The following MACO1 variants were observed in gnomAD, a reference collection of about 807,000 sequenced individuals.
The protein encoded by MACO1 is macoilin 1, also known as macoilin.
Under a neutral mutation model 78.7 loss-of-function variants are expected in MACO1, and 14 were observed. The ratio of observed to expected loss-of-function variants is 0.18; its 90% CI spans 0.12 to 0.28. The LOEUF (loss-of-function observed/expected upper bound fraction) is 0.28. MACO1 is among the 10% of genes least tolerant of loss of function. The probability of loss-of-function intolerance (pLI) is 1.00; values close to 1 mark genes in which losing one functional copy is unlikely to be tolerated. For missense variants in MACO1, 501 were observed against 799.0 expected, an observed-to-expected ratio of 0.63 and a Z score of 4.50; for synonymous variants, 288 against 291.6, an observed-to-expected ratio of 0.99 and a Z score of 0.12.
rs758933840 is a variant in MACO1, at chr1:25,446,920, A to G, written c.222+17A>G. The G allele has an allele frequency of 1.1e-5, 17 of 1,606,482 alleles. No homozygotes were observed. The highest frequency in any genetic ancestry group is 1.4e-5 in the Non-Finnish European group (16 of 1,177,198). On this transcript the variant is annotated intron_variant, in intron 2 of 10. Coordinates refer to ENST00000374343, the MANE Select transcript of MACO1 (RefSeq NM_018202.6). ...CAGGGACTGGTATGTCTGGTAATAC[A>G]TGTTTTCCATGTGTGGGGACCATTC...
At position 25,498,375 on chromosome 1, in the gene MACO1, CT is replaced by C. The variant is rs1557679859; in HGVS notation, c.1905del (p.Val636PhefsTer27). On this transcript the variant is annotated frameshift_variant, in exon 11 of 11. Transcript: ENST00000374343. LOFTEE classifies it high-confidence loss of function. Reference protein sequence around the residue: ...TYSAATSPLSPVSPHYSSKFV... With the variant: ...TYSAATSPLSXVSPHYSSKFV... ...AGTGCCGCCACCAGCCCCCTGAGCC[CT>C]GTTTCCCCCCACTACTCTTCCAAAT... is the stretch of plus-strand genomic sequence containing the variant. 1 of 1,614,156 alleles carries C rather than the reference CT, an allele frequency of 6.2e-7. No homozygotes were observed. The highest frequency in any genetic ancestry group is 8.5e-7 in the Non-Finnish European group (1 of 1,180,024).
rs1354771566 is a variant in MACO1 at position 25,499,553 on chromosome 1, CAAG to C, written c.*1088_*1090del. On this transcript the variant is annotated 3_prime_UTR_variant, in exon 11 of 11. Transcript: ENST00000374343. ...CTTGACTATTCCTCAGCTCTTGTGC[CAAG>C]GAGGGTTTTTTTTTTTTAAGACTCT... The C allele has an allele frequency of 3.4e-5, 5 of 147,812 alleles. No homozygotes were observed. Among genetic ancestry groups the C allele is most frequent in the African/African-American group, 1.3e-4 (5 of 38,734 alleles). 9.2% of individuals were successfully genotyped at this position (147,812 alleles called of 1,614,324 possible).
intron 8 of MACO1, among the ~76,000 whole-genome samples, chr1:25,488,765 G>A (rs935333941): frequency 2.6e-5 from 4 of 151,974 alleles, no homozygotes; most frequent in South Asian, 2.1e-4. Flanking sequence ...GATTACAGGC[G>A]TGAGCCACTG....
At chr1:25,456,243 G>T (rs915202753) in intron 4 of MACO1, among the ~76,000 whole-genome samples, 1 of 149,620 alleles carries the variant, frequency 6.7e-6, no homozygotes, top group Non-Finnish European at 1.5e-5. Context: ...GGGCAACAGA[G>T]CGAGACTCCA....
intron 6 of MACO1, among the ~76,000 whole-genome samples, chr1:25,463,107 C>T (rs1457312588): frequency 1.3e-5 from 2 of 152,134 alleles, no homozygotes; most frequent in African/African-American, 2.4e-5. Context: ...CTTGTTTTGA[C>T]GATCTTTCCC....
At chr1:25,439,967 G>A (rs899739478) in intron 1 of MACO1, among the ~76,000 whole-genome samples, 17 of 149,306 alleles carry the variant, frequency 1.1e-4, no homozygotes, top group Non-Finnish European at 2.1e-4. Flanking sequence ...GCGGTGAGCC[G>A]AGATCGTACC....
At chr1:25,450,651 A>G (rs2043057379) in intron 3 of MACO1, among the ~76,000 whole-genome samples, 1 of 152,220 alleles carries the variant, frequency 6.6e-6, no homozygotes, top group Non-Finnish European at 1.5e-5. Context: ...AGTATCTGCT[A>G]TGAGCATGAT....
intron 3 of MACO1, among the ~76,000 whole-genome samples, chr1:25,451,298 A>G (rs2043063713): frequency 6.6e-6 from 1 of 152,240 alleles, no homozygotes; most frequent in Non-Finnish European, 1.5e-5. Flanking sequence ...GATTACAAAG[A>G]ATAATATTGT....
intron 6 of MACO1, among the ~76,000 whole-genome samples, chr1:25,462,797 C>CTTTTACA (rs756385403): frequency 2.0e-5 from 3 of 151,078 alleles, no homozygotes; most frequent in East Asian, 1.9e-4. Flanking sequence ...AAAGGGCGGG[C>CTTTTACA]AGTCTGGCAG....
chr1:25,489,426 T>G (rs2043464818), intron 9 of MACO1, 133 bp downstream of exon 9: 1 of 1,054,742 alleles, frequency 9.5e-7, no homozygotes, highest in Non-Finnish European at 1.3e-6. Context: ...AATCTCTATG[T>G]GACAAAAAGA....
chr1:25,438,272 A>AT (rs1198138637), intron 1 of MACO1, among the ~76,000 whole-genome samples: 1 of 152,242 alleles, frequency 6.6e-6, no homozygotes, highest in African/African-American at 2.4e-5. Flanking sequence ...ACCTGTTAAC[A>AT]TTATATAAAC....
intron 4 of MACO1, 128 bp from the exon 5 acceptor site, chr1:25,456,525 C>T (rs1192494796): frequency 2.2e-6 from 2 of 927,590 alleles, no homozygotes; most frequent in Non-Finnish European, 3.2e-6. Flanking sequence ...CTAGTGAATG[C>T]TCTTCTCAAC....
At chr1:25,488,886 G>A (rs1373192842) in intron 8 of MACO1, among the ~76,000 whole-genome samples, 1 of 151,944 alleles carries the variant, frequency 6.6e-6, no homozygotes, top group Admixed American at 6.6e-5. Context: ...GGCACGATCT[G>A]GACTCGCTGC....
intron 6 of MACO1, among the ~76,000 whole-genome samples, chr1:25,476,332 A>G (rs2043321508): frequency 1.3e-5 from 2 of 152,194 alleles, no homozygotes; most frequent in South Asian, 4.1e-4. Context: ...ACATGGCTTC[A>G]CCTAGTAATC....
chr1:25,466,140 G>A (rs1169925191), intron 6 of MACO1, among the ~76,000 whole-genome samples: 1 of 152,178 alleles, frequency 6.6e-6, no homozygotes, highest in Non-Finnish European at 1.5e-5. Flanking sequence ...TAGTGGGATT[G>A]CTGGATCAAG....
intron 3 of MACO1, among the ~76,000 whole-genome samples, chr1:25,450,829 C>A (rs183660689): frequency 1.5e-4 from 23 of 152,306 alleles, no homozygotes; most frequent in Admixed American, 4.6e-4. Flanking sequence ...TTACACTCGT[C>A]ACTCTCCCTA....
chr1:25,480,927 AAAATATATATATATATAT>A lies in MACO1; in HGVS notation c.1155-3187_1155-3170del, dbSNP rs1314002616. Among the ~76,000 whole-genome samples, 104 of 29,898 alleles carry A rather than the reference AAAATATATATATATATAT, an allele frequency of 3.5e-3. 4 individuals are homozygous for A. The highest frequency in any genetic ancestry group is 8.9e-3 in the African/African-American group (87 of 9,766). The allele number at this position is 29,898 out of a possible 152,430, so 19.6% of individuals were successfully genotyped here. ...TGAGACTTGGTTAAAAAAAAAAAAA[AAAATATATATATATATAT>A]ATATATATATATATATATATATATA... On this transcript the variant is annotated intron_variant, in intron 6 of 10. Coordinates refer to ENST00000374343, the MANE Select transcript of MACO1 (RefSeq NM_018202.6).
rs556050931 is a variant in MACO1, at chr1:25,445,037, C to T, written c.81-1725C>T. On this transcript the variant is annotated intron_variant, in intron 1 of 10. Transcript: ENST00000374343. ...TTCAAGACTGTGTTCTGGCCAGGCACATACCTGAAATCCCAACACTTTGGG... is the reference window on the plus strand; with the variant it reads ...TTCAAGACTGTGTTCTGGCCAGGCATATACCTGAAATCCCAACACTTTGGG... Among the ~76,000 whole-genome samples the T allele has an allele frequency of 5.4e-5, 8 of 148,752 alleles. No individual in the cohort carries two copies. The Admixed American group carries it at 5.5e-4, about 10-fold the overall frequency.
At position 25,485,827 on chromosome 1, in the gene MACO1, A is replaced by C. The variant is rs773543022; in HGVS notation, c.1496+32A>C. On this transcript the variant is annotated intron_variant, in intron 8 of 10. Coordinates refer to ENST00000374343, the MANE Select transcript of MACO1 (RefSeq NM_018202.6). The surrounding 1 kb of genome is among the most constrained non-coding windows in gnomAD (Gnocchi z 4.3). ...CCATGTCACCTGAGTGTTTAATCCA[A>C]GGTTGGCTTTCCTTTACCAACAAAG... The C allele has an allele frequency of 8.2e-6, 13 of 1,580,590 alleles. No homozygotes were observed. Among genetic ancestry groups the C allele is most frequent in the Non-Finnish European group, 1.0e-5 (12 of 1,164,634 alleles).
Sources: gnomAD v4.1 joint callset for allele counts (sites outside exome capture counted in the v4.1 genomes callset) on GRCh38, gnomAD v4.1.1 for gene constraint, Gnocchi (gnomAD v3.1) non-coding constraint, MANE v1.5 for transcripts, NCBI Gene and HGNC (gene_info 2026-07-23, HGNC 2026-07-21) for gene names.